SCN10A: variants seen among roughly 807,000 people sequenced by gnomAD.
SCN10A encodes sodium voltage-gated channel alpha subunit 10.
SCN10A carries 162 observed loss-of-function variants against 170.7 expected under a neutral mutation model. That is an observed-to-expected ratio of 0.95 (90% CI 0.84 to 1.08). SCN10A has a LOEUF of 1.08. SCN10A is among the 50% of genes least tolerant of loss of function. The pLI, the probability that SCN10A is intolerant of heterozygous loss-of-function variation, is 0.00. For missense variants in SCN10A, 2,527 were observed against 2,436.9 expected (o/e 1.04, Z -0.78); for synonymous variants, 985 against 904.6 (o/e 1.09, Z -1.59).
At position 38,726,705 on chromosome 3, in the gene SCN10A, A is replaced by G. The variant is rs375913659; in HGVS notation, c.2988T>C (p.Ser996=). The change falls in exon 17 of 28, where the codon TCT becomes TCC. Residue 996 remains serine (S), a synonymous_variant. Transcript: ENST00000449082. ...DFIANPTVWV[S]VPIAEGESDL... ...CAGATTCACCCTCAGCAATGGGCAC[A>G]GAGACCCACACAGTCGGATTAGCGA... The G allele has an allele frequency of 7.2e-5, 116 of 1,612,434 alleles. No individual in the cohort carries two copies. The highest frequency in any genetic ancestry group is 9.2e-5 in the Non-Finnish European group (109 of 1,178,758).
intron 13 of SCN10A, among the ~76,000 whole-genome samples, chr3:38,747,328 A>G (rs904574924): frequency 6.6e-6 from 1 of 152,178 alleles, no homozygotes; most frequent in African/African-American, 2.4e-5. Context: ...ACCTTTGTGC[A>G]TGCACTTGTC....
At chr3:38,732,538 G>C (rs1460963211) in intron 15 of SCN10A, among the ~76,000 whole-genome samples, 1 of 150,370 alleles carries the variant, frequency 6.7e-6, no homozygotes, top group Non-Finnish European at 1.5e-5. Context: ...TTGAGTAATG[G>C]AGAAATTGCT....
chr3:38,767,660 C>T (rs1418548537), intron 5 of SCN10A, among the ~76,000 whole-genome samples: 9 of 151,962 alleles, frequency 5.9e-5, no homozygotes, highest in Admixed American at 4.6e-4. Context: ...TTATCTATCA[C>T]GTGGTCTATC....
chr3:38,742,617 A>G, intron 13 of SCN10A, 88 bp from the exon 14 acceptor site: 1 of 942,650 alleles, frequency 1.1e-6, no homozygotes, highest in Non-Finnish European at 1.7e-6. Context: ...CTTGTTGTTA[A>G]TAATAAGTAC....
At position 38,697,553 on chromosome 3, in the gene SCN10A, G is replaced by T. The variant is rs2125978825; in HGVS notation, c.5667C>A (p.Leu1889=). The T allele has an allele frequency of 1.9e-6, 3 of 1,614,186 alleles. No homozygotes were observed. The highest frequency in any genetic ancestry group is 2.5e-6 in the Non-Finnish European group (3 of 1,180,046). The change falls in exon 28 of 28, where the codon CTC becomes CTA. Residue 1889 remains leucine (L), a synonymous_variant. Transcript: ENST00000449082. ...VPRAEEEAAS[L]PDEGFVAFTA... ...TGAATGCAACAAAACCTTCATCTGG[G>T]AGTGATGCAGCCTCCTCCTCAGCTC... is the stretch of plus-strand genomic sequence containing the variant.
At chr3:38,807,837 C>G (rs2064415312) in intron 1 of SCN10A, among the ~76,000 whole-genome samples, 1 of 152,126 alleles carries the variant, frequency 6.6e-6, no homozygotes, top group Non-Finnish European at 1.5e-5. Flanking sequence ...TGTAGACTCT[C>G]CCTCTCCCCA....
chr3:38,800,177 T>A (rs1227839557), intron 1 of SCN10A, among the ~76,000 whole-genome samples: 1 of 152,192 alleles, frequency 6.6e-6, no homozygotes, highest in Non-Finnish European at 1.5e-5. Context: ...GACATTGATG[T>A]TCTTAGTTCT....
At chr3:38,717,081 T>C (rs1177251473) in intron 21 of SCN10A, among the ~76,000 whole-genome samples, 1 of 151,822 alleles carries the variant, frequency 6.6e-6, no homozygotes, top group African/African-American at 2.4e-5. Context: ...GATAGAAGAA[T>C]GAATCAAAAG....
intron 15 of SCN10A, among the ~76,000 whole-genome samples, chr3:38,732,532 G>A (rs2126006269): frequency 6.6e-6 from 1 of 151,552 alleles, no homozygotes; most frequent in South Asian, 2.1e-4. Context: ...CTTATCTTGA[G>A]TAATGGAGAA....
intron 1 of SCN10A, among the ~76,000 whole-genome samples, chr3:38,805,260 G>A (rs1397376423): frequency 6.6e-6 from 1 of 152,128 alleles, no homozygotes; most frequent in African/African-American, 2.4e-5. Flanking sequence ...GGGTGAAAGT[G>A]TGACTGAGCT....
At position 38,779,690 on chromosome 3, in the gene SCN10A, T is replaced by C. The variant is rs182116133; in HGVS notation, c.471-8283A>G. On this transcript the variant is annotated intron_variant, in intron 4 of 27. Coordinates refer to ENST00000449082, the MANE Select transcript of SCN10A (RefSeq NM_006514.4). ...TATGTATGTCTTTAACTGCACTCTC[T>C]AGGTTCTGATTAAACTGTTTTTTAT... 4.6e-3 allele frequency among the ~76,000 whole-genome samples: 696 copies of C among 152,132 alleles called. 8 individuals carry two copies. Among genetic ancestry groups the C allele is most frequent in the African/African-American group, 0.016 (647 of 41,568 alleles).
chr3:38,741,253 T>G (rs1278705332), intron 14 of SCN10A, among the ~76,000 whole-genome samples: 1 of 151,846 alleles, frequency 6.6e-6, no homozygotes, highest in Middle Eastern at 3.2e-3. Context: ...ATGCTGACCC[T>G]TTCTAGCTTC....
chr3:38,713,176 G>A (rs182673367), intron 22 of SCN10A, among the ~76,000 whole-genome samples: 1 of 152,302 alleles, frequency 6.6e-6, no homozygotes, highest in Non-Finnish European at 1.5e-5. Context: ...AGGGCAAGGT[G>A]GAGGCTGACA....
chr3:38,709,053 C>T (rs1358476005), intron 25 of SCN10A, among the ~76,000 whole-genome samples: 1 of 152,170 alleles, frequency 6.6e-6, no homozygotes, highest in African/African-American at 2.4e-5. Context: ...AGCCTTCCTC[C>T]CCATCCCAAG....
chr3:38,760,679 A>G lies in SCN10A; in HGVS notation c.950+2T>C. On this transcript the variant is annotated splice_donor_variant, in intron 8 of 27. Coordinates refer to ENST00000449082, the MANE Select transcript of SCN10A (RefSeq NM_006514.4). LOFTEE classifies it high-confidence loss of function. The stretch of plus-strand genomic sequence containing the variant: ...GTGCTTTGTCATAAGTTGGGAACTC[A>G]CCCTGAGTCAGATCCATTGCCACAC... The G allele has an allele frequency of 6.2e-7, 1 of 1,613,052 alleles. No individual in the cohort carries two copies. The highest frequency in any genetic ancestry group is 8.5e-7 in the Non-Finnish European group (1 of 1,179,018).
chr3:38,761,829 T>TGTGG (rs1344055044), intron 6 of SCN10A, among the ~76,000 whole-genome samples: 201 of 134,808 alleles, frequency 1.5e-3, no homozygotes, highest in African/African-American at 6.6e-3. Context: ...TGTGTGTGTG[T>TGTGG]GTGTGTGTGA....
At chr3:38,761,847 A>T (rs1222055047) in intron 6 of SCN10A, among the ~76,000 whole-genome samples, 59 of 151,282 alleles carry the variant, frequency 3.9e-4, no homozygotes, top group African/African-American at 1.0e-3. Context: ...TGAGAGAGAG[A>T]GAGAGAGAGA....
chr3:38,722,497 C>A, intron 19 of SCN10A, 85 bp from the exon 20 acceptor site: 2 of 1,485,584 alleles, frequency 1.3e-6, no homozygotes, highest in Admixed American at 1.9e-5. Context: ...AACCATTCTG[C>A]TAGGAAACCC....
chr3:38,740,224 A>G (rs1031742027), intron 14 of SCN10A, among the ~76,000 whole-genome samples: 2 of 152,236 alleles, frequency 1.3e-5, no homozygotes, highest in East Asian at 1.9e-4. Context: ...GACTAGTAAG[A>G]ACAATGATTC....
Sources: gnomAD v4.1 joint callset for allele counts (sites outside exome capture counted in the v4.1 genomes callset) on GRCh38, gnomAD v4.1.1 for gene constraint, MANE v1.5 for transcripts, NCBI Gene and HGNC (gene_info 2026-07-23, HGNC 2026-07-21) for gene names.